Variants in EVX1 observed in about 807,000 individuals in gnomAD.
EVX1 encodes the protein homeobox even-skipped homolog protein 1.
EVX1 carries 19 observed loss-of-function variants against 28.6 expected under a neutral mutation model. The ratio of observed to expected loss-of-function variants is 0.67; its 90% confidence interval spans 0.46 to 0.98. The LOEUF is 0.98. Among genes scored for constraint, EVX1 ranks in the 50% least tolerant of loss-of-function variants. The probability of loss-of-function intolerance (pLI) is 0.00; values close to 1 mark genes in which losing one functional copy is unlikely to be tolerated. For missense variants in EVX1, 660 were observed against 583.0 expected, an observed-to-expected ratio of 1.13 and a Z score of -1.36; for synonymous variants, 324 against 278.2, an observed-to-expected ratio of 1.16 and a Z score of -1.64.
At position 27,242,981 on chromosome 7, in the gene EVX1, G is replaced by T. The variant is rs1256383846; in HGVS notation, c.-50G>T. ...GGCCGCTGGAGACCCAGGGAGCCGG[G>T]GTTAGGAACTCACTTGGGGCTTTCC... On this transcript the variant is annotated 5_prime_UTR_variant, in exon 1 of 3. Transcript: ENST00000496902. The T allele has an allele frequency of 1.4e-6, 2 of 1,455,060 alleles. No individual in the cohort carries two copies. Among genetic ancestry groups the T allele is most frequent in the Non-Finnish European group, 1.8e-6 (2 of 1,100,830 alleles). 90.1% of individuals were successfully genotyped at this position (1,455,060 alleles called of 1,614,324 possible).
chr7:27,246,002 C>T lies in EVX1; in HGVS notation c.801C>T (p.Gly267=), dbSNP rs376919347. ...TYMMSHAAAA[G]GLPYPFPSHL... ...TGATGAGCCATGCGGCGGCCGCGGG[C>T]GGCCTGCCCTACCCCTTCCCATCGC... Residue 267 remains glycine (G), a synonymous_variant, in exon 3 of 3, where the codon GGC becomes GGT. Coordinates refer to ENST00000496902, the MANE Select transcript of EVX1 (RefSeq NM_001989.5). 2.5e-5 allele frequency: 40 copies of T among 1,601,198 alleles called. No individual in the cohort carries two copies. In the African/African-American group the frequency reaches 4.3e-4, roughly 17 times the overall value.
rs1032955825 is a variant in EVX1, at chr7:27,246,131, C to T, written c.930C>T (p.Phe310=). 2 of 1,533,848 alleles carry T rather than the reference C, an allele frequency of 1.3e-6. No individual in the cohort carries two copies. The highest frequency in any genetic ancestry group is 2.8e-5 in the African/African-American group (2 of 70,752). ...GCTCGCTGCGCCCGCTCGACACGTT[C>T]CGCGTGCTGTCGCAGCCCTACCCGC... ...FSGSLRPLDT[F]RVLSQPYPRP... is the part of the protein sequence containing the mutation. Residue 310 remains phenylalanine, a synonymous_variant, in exon 3 of 3, where the codon TTC becomes TTT. Transcript: ENST00000496902.
In EVX1 at chr7:27,245,902, G is replaced by T; in HGVS notation, c.701G>T (p.Arg234Leu). Residue 234 changes from arginine to leucine, a missense_variant, in exon 3 of 3, where the codon CGG (arginine) becomes CTG (leucine). Arg to Leu is a moderately radical substitution (Grantham distance 102). This residue lies in a region of EVX1 where 53 missense variants were observed against 85.1 expected (regional missense o/e 0.62). Transcript: ENST00000496902. ...ETTIKVWFQNRRMKDKRQRLA... is the reference protein window; with the variant it reads ...ETTIKVWFQNLRMKDKRQRLA... ...TCTCCCCAGGTGTGGTTCCAGAACC[G>T]GCGCATGAAGGACAAGCGGCAGCGC... 6.2e-7 allele frequency: 1 copy of T among 1,611,908 alleles called. No homozygotes were observed. The highest frequency in any genetic ancestry group is 2.2e-5 in the East Asian group (1 of 44,850).
Position 27,245,938 on chromosome 7 carries a change from C to G in EVX1, c.737C>G (p.Thr246Arg). ...GACAAGCGGCAGCGCCTGGCCATGACGTGGCCGCACCCGGCGGACCCCGCC... is the reference window on the plus strand; with the variant it reads ...GACAAGCGGCAGCGCCTGGCCATGAGGTGGCCGCACCCGGCGGACCCCGCC... Reference protein sequence around the residue: ...MKDKRQRLAMTWPHPADPAFY... With the variant: ...MKDKRQRLAMRWPHPADPAFY... The change falls in exon 3 of 3, where the codon ACG becomes AGG. Residue 246 changes from threonine to arginine, a missense_variant. Thr to Arg is a moderately conservative substitution (Grantham distance 71, BLOSUM62 -1). This residue lies in a region of EVX1 where 299 missense variants were observed against 241.3 expected (regional missense o/e 1.24). Transcript: ENST00000496902. The G allele has an allele frequency of 6.2e-7, 1 of 1,600,916 alleles. No individual in the cohort carries two copies. Among genetic ancestry groups the G allele is most frequent in the Non-Finnish European group, 8.5e-7 (1 of 1,175,830 alleles).
intron 1 of EVX1, 56 bp downstream of exon 1, chr7:27,243,513 C>A: frequency 6.6e-7 from 1 of 1,514,454 alleles, no homozygotes; most frequent in Non-Finnish European, 8.8e-7. Context: ...CCCTTCACTT[C>A]GGCGCAGGCC....
intron 1 of EVX1, chr7:27,243,663 G>A (rs1221269205): frequency 3.6e-6 from 2 of 558,774 alleles, no homozygotes; most frequent in Non-Finnish European, 6.0e-6. Flanking sequence ...GCAGTGCCTT[G>A]AGTGCGGGGT....
chr7:27,245,917 A>G lies in EVX1; in HGVS notation c.716A>G (p.Lys239Arg). ...VWFQNRRMKD[K>R]RQRLAMTWPH... is the part of the protein sequence containing the mutation. Reference sequence around the variant, plus strand: ...TTCCAGAACCGGCGCATGAAGGACAAGCGGCAGCGCCTGGCCATGACGTGG... The same window carrying G: ...TTCCAGAACCGGCGCATGAAGGACAGGCGGCAGCGCCTGGCCATGACGTGG... The change falls in exon 3 of 3, where the codon AAG becomes AGG. Residue 239 changes from lysine to arginine, a missense_variant. Lys to Arg is a conservative substitution (Grantham distance 26). Transcript: ENST00000496902. The G allele has an allele frequency of 6.2e-7, 1 of 1,611,900 alleles. No individual in the cohort carries two copies.
chr7:27,246,844 A>G lies in EVX1; in HGVS notation c.*419A>G, dbSNP rs1015250715. 5 of 247,918 alleles carry G rather than the reference A, an allele frequency of 2.0e-5. No individual in the cohort carries two copies. Among genetic ancestry groups the G allele is most frequent in the Admixed American group, 6.0e-5 (1 of 16,792 alleles). 15.4% of individuals were successfully genotyped at this position (247,918 alleles called of 1,614,324 possible). A position where few individuals can be genotyped will look rare whatever the true frequency, so the allele number is the denominator to read the frequency against. On this transcript the variant is annotated 3_prime_UTR_variant, in exon 3 of 3. Coordinates refer to ENST00000496902, the MANE Select transcript of EVX1 (RefSeq NM_001989.5). Reference sequence around the variant, plus strand: ...CCCTCTCCCCAGCCAAGGCCCAAGCACTGGAAAGGGAAATTGCTGTCTCTC... The same window carrying G: ...CCCTCTCCCCAGCCAAGGCCCAAGCGCTGGAAAGGGAAATTGCTGTCTCTC...
Position 27,246,502 on chromosome 7 carries a change from C to G in EVX1, c.*77C>G, listed in dbSNP as rs1783196824. 2 of 1,334,792 alleles carry G rather than the reference C, an allele frequency of 1.5e-6. No individual in the cohort carries two copies. Among genetic ancestry groups the G allele is most frequent in the East Asian group, 2.6e-5 (1 of 37,772 alleles). The allele number at this position is 1,334,792 out of a possible 1,614,324, so 82.7% of individuals were successfully genotyped here. On this transcript the variant is annotated 3_prime_UTR_variant, in exon 3 of 3. Transcript: ENST00000496902. The stretch of plus-strand genomic sequence containing the variant: ...GCCCCGGGACTCAGCCAGCCTCGCT[C>G]CTCGCTCCTCGCTCCTCGCCCCTAG...
chr7:27,246,206 C>T lies in EVX1; in HGVS notation c.1005C>T (p.Pro335=), dbSNP rs779144087. The change falls in exon 3 of 3, where the codon CCC becomes CCT. Residue 335 remains proline, a synonymous_variant. Transcript: ENST00000496902. ...GCCACCCGCCGCTCTACCCCGGGCCCGCGCACGGACTGGGCGCCTCTGCCG... is the reference window on the plus strand; with the variant it reads ...GCCACCCGCCGCTCTACCCCGGGCCTGCGCACGGACTGGGCGCCTCTGCCG... ...AFRHPPLYPG[P]AHGLGASAGG... 4.7e-6 allele frequency: 7 copies of T among 1,497,724 alleles called. No homozygotes were observed. Among genetic ancestry groups the T allele is most frequent in the Non-Finnish European group, 6.2e-6 (7 of 1,133,954 alleles). 92.8% of individuals were successfully genotyped at this position (1,497,724 alleles called of 1,614,324 possible). A position where few individuals can be genotyped will look rare whatever the true frequency, so the allele number is the denominator to read the frequency against.
rs768971163 is a variant in EVX1, at chr7:27,245,987, TGCG to T, written c.792_794del (p.Ala266del). On this transcript the variant is annotated inframe_deletion, in exon 3 of 3. Coordinates refer to ENST00000496902, the MANE Select transcript of EVX1 (RefSeq NM_001989.5). Reference sequence around the variant, plus strand: ...CCTTCTACACTTACATGATGAGCCATGCGGCGGCCGCGGGCGGCCTGCCCTACC... The same window carrying T: ...CCTTCTACACTTACATGATGAGCCATGCGGCCGCGGGCGGCCTGCCCTACC... The T allele has an allele frequency of 2.5e-6, 4 of 1,604,132 alleles. No individual in the cohort carries two copies. The South Asian group carries it at 4.4e-5, about 18-fold the overall frequency.
chr7:27,246,477 G>T lies in EVX1; in HGVS notation c.*52G>T, dbSNP rs756641262. On this transcript the variant is annotated 3_prime_UTR_variant, in exon 3 of 3. Transcript: ENST00000496902. The stretch of plus-strand genomic sequence containing the variant: ...ATGACGCCCGTGGGGTCACCCCCCG[G>T]CCCCGGGACTCAGCCAGCCTCGCTC... 1.5e-4 allele frequency: 229 copies of T among 1,532,296 alleles called. No homozygotes were observed. Among genetic ancestry groups the T allele is most frequent in the Non-Finnish European group, 2.0e-4 (225 of 1,142,210 alleles). 94.9% of individuals were successfully genotyped at this position (1,532,296 alleles called of 1,614,324 possible).
chr7:27,246,482 G>A lies in EVX1; in HGVS notation c.*57G>A, dbSNP rs1783195946. 1.5e-5 allele frequency: 22 copies of A among 1,516,944 alleles called. No individual in the cohort carries two copies. Among genetic ancestry groups the A allele is most frequent in the Non-Finnish European group, 1.7e-5 (19 of 1,130,728 alleles). 94.0% of individuals were successfully genotyped at this position (1,516,944 alleles called of 1,614,324 possible). On this transcript the variant is annotated 3_prime_UTR_variant, in exon 3 of 3. Transcript: ENST00000496902. The stretch of plus-strand genomic sequence containing the variant: ...GCCCGTGGGGTCACCCCCCGGCCCC[G>A]GGACTCAGCCAGCCTCGCTCCTCGC...
chr7:27,246,361 C>CGGTGCTCAG lies in EVX1; in HGVS notation c.1161_1169dup (p.Leu389_Ser390insArgValLeu), dbSNP rs1783190194. 6.2e-7 allele frequency: 1 copy of CGGTGCTCAG among 1,602,998 alleles called. No individual in the cohort carries two copies. The highest frequency in any genetic ancestry group is 1.3e-5 in the African/African-American group (1 of 74,682). On this transcript the variant is annotated inframe_insertion, in exon 3 of 3. Transcript: ENST00000496902. ...GACTCCTTCCTCACCTTCGCGCCCT[C>CGGTGCTCAG]GGTGCTCAGCAAGGCCTCCTCCGTC... is the stretch of plus-strand genomic sequence containing the variant.
chr7:27,246,945 G>C lies in EVX1; in HGVS notation c.*520G>C, dbSNP rs1783210329. ...TTTTCCAAGGCATGACAAGGGGCTGGTGGATGGCAACATACCAGTCATTTG... is the reference window on the plus strand; with the variant it reads ...TTTTCCAAGGCATGACAAGGGGCTGCTGGATGGCAACATACCAGTCATTTG... On this transcript the variant is annotated 3_prime_UTR_variant, in exon 3 of 3. Transcript: ENST00000496902. 1 of 160,868 alleles carries C rather than the reference G, an allele frequency of 6.2e-6. No homozygotes were observed. The highest frequency in any genetic ancestry group is 1.3e-5 in the Non-Finnish European group (1 of 74,794). The allele number at this position is 160,868 out of a possible 1,614,324, so 10.0% of individuals were successfully genotyped here.
At chr7:27,245,854 A>T (rs1783156944) in intron 2 of EVX1, 32 bp from the exon 3 acceptor site, 1 of 1,598,474 alleles carries the variant, frequency 6.3e-7, no homozygotes, top group Admixed American at 1.7e-5. Context: ...GGCCAAGTCC[A>T]GCTACTGAAC....
Position 27,245,945 on chromosome 7 carries a change from G to A in EVX1, c.744G>A (p.Pro248=). 6.3e-7 allele frequency: 1 copy of A among 1,596,798 alleles called. No individual in the cohort carries two copies. ...DKRQRLAMTW[P]HPADPAFYTY... is the part of the protein sequence containing the mutation. ...GGCAGCGCCTGGCCATGACGTGGCC[G>A]CACCCGGCGGACCCCGCCTTCTACA... Residue 248 remains proline (P), a synonymous_variant, in exon 3 of 3, where the codon CCG becomes CCA. Coordinates refer to ENST00000496902, the MANE Select transcript of EVX1 (RefSeq NM_001989.5).
rs377423519 is a variant in EVX1, at chr7:27,246,222, G to T, written c.1021G>T (p.Ala341Ser). ...LYPGPAHGLG[A>S]SAGGPCSCLA... ...CCCCGGGCCCGCGCACGGACTGGGC[G>T]CCTCTGCCGGCGGCCCCTGCTCCTG... The change falls in exon 3 of 3, where the codon GCC (alanine) becomes TCC (serine). Residue 341 changes from alanine to serine, a missense_variant. Transcript: ENST00000496902. 6.6e-7 allele frequency: 1 copy of T among 1,514,654 alleles called. No homozygotes were observed. The highest frequency in any genetic ancestry group is 8.8e-7 in the Non-Finnish European group (1 of 1,140,270). 93.8% of individuals were successfully genotyped at this position (1,514,654 alleles called of 1,614,324 possible).
chr7:27,243,579 C>A (rs1783087779), intron 1 of EVX1, 122 bp downstream of exon 1: 2 of 1,061,102 alleles, frequency 1.9e-6, no homozygotes, highest in African/African-American at 1.6e-5. Flanking sequence ...CCCACCTGAG[C>A]AACTCTCTCT....
Sources: allele counts gnomAD v4.1 joint callset, GRCh38; gene constraint gnomAD v4.1.1; regional missense constraint gnomAD v4.1.1; transcripts MANE v1.5; gene names NCBI Gene and HGNC (gene_info 2026-07-23, HGNC 2026-07-21).